MRPS6: variants seen among roughly 807,000 people sequenced by gnomAD.
MRPS6 encodes small ribosomal subunit protein bS6m.
In MRPS6, 6 loss-of-function variants were observed where a neutral mutation model predicts 13.1. The ratio of observed to expected loss-of-function variants is 0.46; its 90% CI spans 0.25 to 0.91. MRPS6 has a LOEUF of 0.91. Among genes scored for constraint, MRPS6 ranks in the 40% least tolerant of loss-of-function variants. The pLI is 0.18. For missense variants in MRPS6, 164 were observed against 155.6 expected (o/e 1.05, Z -0.29); for synonymous variants, 61 against 56.5 (o/e 1.08, Z -0.36).
chr21:34,075,212 C>T (rs913673396), intron 1 of MRPS6, among the ~76,000 whole-genome samples: 2 of 152,142 alleles, frequency 1.3e-5, no homozygotes, highest in Non-Finnish European at 2.9e-5. Context: ...ACTGAAATTC[C>T]TTTTGTTTAC....
At chr21:34,138,396 C>A (rs1980781205) in intron 2 of MRPS6, among the ~76,000 whole-genome samples, 1 of 151,950 alleles carries the variant, frequency 6.6e-6, no homozygotes. Flanking sequence ...TTAGGTCTAA[C>A]ATTTAAGTCT....
At chr21:34,129,841 A>G (rs1392526505) in intron 2 of MRPS6, among the ~76,000 whole-genome samples, 1 of 152,116 alleles carries the variant, frequency 6.6e-6, no homozygotes, top group Non-Finnish European at 1.5e-5. Context: ...GTTTCTTTTT[A>G]GTGGCAGTGC....
intron 1 of MRPS6, among the ~76,000 whole-genome samples, chr21:34,085,977 A>C (rs1306102569): frequency 2.6e-5 from 4 of 152,184 alleles, no homozygotes; most frequent in Non-Finnish European, 5.9e-5. Flanking sequence ...GTTCATGTTC[A>C]AATTCCCTGA....
At position 34,142,661 on chromosome 21, in the gene MRPS6, G is replaced by T. The variant is rs1453771045; in HGVS notation, c.*61G>T. ...CTTCACATTTGGGCAGCATGGACGAGAAGGAAGAATTTGCAAGTTTGGCCT... is the reference window on the plus strand; with the variant it reads ...CTTCACATTTGGGCAGCATGGACGATAAGGAAGAATTTGCAAGTTTGGCCT... On this transcript the variant is annotated 3_prime_UTR_variant, in exon 3 of 3. Transcript: ENST00000399312. 1 of 1,471,688 alleles carries T rather than the reference G, an allele frequency of 6.8e-7. No homozygotes were observed. The highest frequency in any genetic ancestry group is 2.5e-5 in the East Asian group (1 of 40,024). The allele number at this position is 1,471,688 out of a possible 1,614,324, so 91.2% of individuals were successfully genotyped here. A position where few individuals can be genotyped will look rare whatever the true frequency, so the allele number is the denominator to read the frequency against.
chr21:34,089,798 A>G (rs1489429576), intron 1 of MRPS6, among the ~76,000 whole-genome samples: 1 of 152,194 alleles, frequency 6.6e-6, no homozygotes, highest in Non-Finnish European at 1.5e-5. Flanking sequence ...GAGTCCAATC[A>G]GGGTTTTGTA....
At chr21:34,123,101 A>G (rs573108029) in intron 1 of MRPS6, 2 of 152,336 alleles carry the variant, frequency 1.3e-5, no homozygotes, top group African/African-American at 2.4e-5. Context: ...TTCAGTAGGA[A>G]TTTTTAAAAT....
At chr21:34,083,799 G>C (rs1989510964) in intron 1 of MRPS6, among the ~76,000 whole-genome samples, 1 of 152,170 alleles carries the variant, frequency 6.6e-6, no homozygotes, top group Non-Finnish European at 1.5e-5. Context: ...TGCAAATTTT[G>C]TGTGTGTAAG....
chr21:34,107,541 C>T (rs934459063), intron 1 of MRPS6, among the ~76,000 whole-genome samples: 6 of 152,288 alleles, frequency 3.9e-5, no homozygotes, highest in African/African-American at 1.4e-4. Flanking sequence ...ACCTATTTCT[C>T]ATCAAACTTG....
At chr21:34,118,557 C>CTTTTTTTTTTT in intron 1 of MRPS6, among the ~76,000 whole-genome samples, 1 of 133,162 alleles carries the variant, frequency 7.5e-6, no homozygotes, top group Non-Finnish European at 1.6e-5. Flanking sequence ...TTCTTTCTTT[C>CTTTTTTTTTTT]TTTTTTTTTT....
At chr21:34,133,972 C>T (rs995312255) in intron 2 of MRPS6, among the ~76,000 whole-genome samples, 8 of 152,068 alleles carry the variant, frequency 5.3e-5, no homozygotes, top group African/African-American at 1.9e-4. Context: ...GCATTGGGCC[C>T]CTGTTGGGTG....
At chr21:34,131,376 G>T (rs185335092) in intron 2 of MRPS6, among the ~76,000 whole-genome samples, 76 of 152,228 alleles carry the variant, frequency 5.0e-4, no homozygotes, top group Non-Finnish European at 9.0e-4. Context: ...CTTTTCCCAG[G>T]GTCAGGAGGA....
chr21:34,097,533 A>G, intron 1 of MRPS6: 1 of 1,383,334 alleles, frequency 7.2e-7, no homozygotes, highest in Non-Finnish European at 9.4e-7. Flanking sequence ...ATTAAAGTAA[A>G]TCTTCAACTT....
At chr21:34,098,569 A>G (rs1158209304) in intron 1 of MRPS6, 6 of 1,000,162 alleles carry the variant, frequency 6.0e-6, no homozygotes, top group Middle Eastern at 5.2e-4. Flanking sequence ...CGTCGGTAAC[A>G]GAAAACTCAG....
chr21:34,128,751 T>G (rs1305771378), intron 2 of MRPS6, among the ~76,000 whole-genome samples: 1 of 152,204 alleles, frequency 6.6e-6, no homozygotes, highest in African/African-American at 2.4e-5. Flanking sequence ...TCAGTAGAAC[T>G]GGGGGAGTCA....
At chr21:34,092,745 A>G (rs1173856083) in intron 1 of MRPS6, among the ~76,000 whole-genome samples, 1 of 152,178 alleles carries the variant, frequency 6.6e-6, no homozygotes. Flanking sequence ...AGCTACTATG[A>G]CACATAACCC....
intron 2 of MRPS6, among the ~76,000 whole-genome samples, chr21:34,129,280 C>A (rs1452418253): frequency 6.6e-6 from 1 of 152,072 alleles, no homozygotes; most frequent in Non-Finnish European, 1.5e-5. Context: ...GTTCTCTTTC[C>A]ACTAGATGGG....
chr21:34,111,876 C>CAACT (rs1423764164), intron 1 of MRPS6, among the ~76,000 whole-genome samples: 2 of 151,238 alleles, frequency 1.3e-5, no homozygotes, highest in African/African-American at 2.4e-5. Context: ...TGTATTGTTC[C>CAACT]CCATATGCTT....
chr21:34,116,452 A>C (rs9979392), intron 1 of MRPS6, among the ~76,000 whole-genome samples: 3,916 of 151,858 alleles, frequency 0.026, 183 homozygotes, highest in African/African-American at 0.088. Context: ...TTATTCAATC[A>C]GTGGAAATCG....
intron 1 of MRPS6, chr21:34,100,300 T>A (rs1041353868): frequency 1.0e-6 from 1 of 1,000,078 alleles, no homozygotes; most frequent in Non-Finnish European, 1.2e-6. Flanking sequence ...GTATGCAGGA[T>A]GATTATTGCA....
Sources: gnomAD v4.1 joint callset for allele counts (sites outside exome capture counted in the v4.1 genomes callset) on GRCh38, gnomAD v4.1.1 for gene constraint, MANE v1.5 for transcripts, NCBI Gene and HGNC (gene_info 2026-07-23, HGNC 2026-07-21) for gene names.